KCNIP4: variants seen among roughly 807,000 people sequenced by gnomAD.
KCNIP4 encodes the protein potassium voltage-gated channel interacting protein 4.
A neutral mutation model predicts 34.0 loss-of-function variants in KCNIP4; 12 were observed. That is an observed-to-expected ratio of 0.35 (90% CI 0.23 to 0.57). The LOEUF (loss-of-function observed/expected upper bound fraction) is 0.57. KCNIP4 is among the 20% of genes least tolerant of loss of function. The pLI, the probability that KCNIP4 is intolerant of heterozygous loss-of-function variation, is 0.83. For missense variants in KCNIP4, 238 were observed against 311.7 expected, an observed-to-expected ratio of 0.76 and a Z score of 1.78; for synonymous variants, 124 against 102.2, an observed-to-expected ratio of 1.21 and a Z score of -1.29.
intron 3 of KCNIP4, among the ~76,000 whole-genome samples, chr4:20,840,670 A>T (rs1719613490): frequency 6.6e-6 from 1 of 152,178 alleles, no homozygotes; most frequent in Admixed American, 6.5e-5. Flanking sequence ...GTTGAACAGA[A>T]GTCCCATCCT....
At chr4:21,032,403 C>T (rs1741104019) in intron 1 of KCNIP4, among the ~76,000 whole-genome samples, 1 of 152,074 alleles carries the variant, frequency 6.6e-6, no homozygotes, top group African/African-American at 2.4e-5. Context: ...AGTTTGCTTG[C>T]TAAGGGTCTG....
At chr4:21,837,826 T>C (rs1723446434) in intron 1 of KCNIP4, among the ~76,000 whole-genome samples, 1 of 152,172 alleles carries the variant, frequency 6.6e-6, no homozygotes, top group South Asian at 2.1e-4. Flanking sequence ...GCTGATTATC[T>C]GCCATTGCTA....
intron 1 of KCNIP4, among the ~76,000 whole-genome samples, chr4:21,320,492 A>T (rs1714258387): frequency 6.6e-6 from 1 of 152,174 alleles, no homozygotes. Flanking sequence ...AAGAACAATG[A>T]TGGTGAGATC....
intron 1 of KCNIP4, among the ~76,000 whole-genome samples, chr4:21,205,650 T>A (rs1400072245): frequency 6.6e-6 from 1 of 152,230 alleles, no homozygotes; most frequent in Non-Finnish European, 1.5e-5. Flanking sequence ...CTTTGTTATA[T>A]CTCTCTAACT....
intron 1 of KCNIP4, among the ~76,000 whole-genome samples, chr4:21,747,067 C>T (rs183944567): frequency 1.3e-5 from 2 of 152,232 alleles, no homozygotes; most frequent in East Asian, 3.9e-4. Flanking sequence ...TTCTATTAAG[C>T]GTAGCTCAAC....
chr4:21,642,352 C>T (rs957013777), intron 1 of KCNIP4, among the ~76,000 whole-genome samples: 7 of 151,658 alleles, frequency 4.6e-5, no homozygotes, highest in Non-Finnish European at 1.0e-4. Flanking sequence ...ATATCCCCAA[C>T]CATCCTGTTG....
chr4:20,793,811 C>T (rs532519186), intron 3 of KCNIP4, among the ~76,000 whole-genome samples: 70 of 152,034 alleles, frequency 4.6e-4, no homozygotes, highest in African/African-American at 1.7e-3. Flanking sequence ...GACAGATCAT[C>T]AGGTACTAGA....
chr4:21,150,767 G>T (rs140338315), intron 1 of KCNIP4, among the ~76,000 whole-genome samples: 1 of 152,156 alleles, frequency 6.6e-6, no homozygotes, highest in Non-Finnish European at 1.5e-5. Flanking sequence ...GCAGAAAAAT[G>T]GACCTAAATT....
At chr4:20,794,817 A>G (rs1044499758) in intron 3 of KCNIP4, among the ~76,000 whole-genome samples, 5 of 152,238 alleles carry the variant, frequency 3.3e-5, no homozygotes, top group African/African-American at 4.8e-5. Flanking sequence ...TACATGATCT[A>G]ACAACACAAC....
At position 21,018,617 on chromosome 4, in the gene KCNIP4, G is replaced by A. The variant is rs368212883; in HGVS notation, c.62-135908C>T. Among the ~76,000 whole-genome samples the A allele has an allele frequency of 1.9e-3, 290 of 152,164 alleles. 6 individuals are homozygous for A. In the South Asian group the frequency reaches 0.053, roughly 28 times the overall value. On this transcript the variant is annotated intron_variant, in intron 1 of 8. Coordinates refer to ENST00000382152, the MANE Select transcript of KCNIP4 (RefSeq NM_025221.6). ...ATTGCTGAACCTATTGACACTGCAC[G>A]GTGGTCTAGATCACTTCCACCAACT...
chr4:21,443,289 A>C (rs759787581), intron 1 of KCNIP4, among the ~76,000 whole-genome samples: 1 of 152,122 alleles, frequency 6.6e-6, no homozygotes, highest in Non-Finnish European at 1.5e-5. Flanking sequence ...CATGGCCTGA[A>C]AGTCCTGACA....
chr4:20,749,875 C>G (rs1345984750), intron 4 of KCNIP4, 143 bp from the exon 5 acceptor site: 1 of 540,638 alleles, frequency 1.8e-6, no homozygotes, highest in African/African-American at 1.9e-5. Context: ...TGCTTACCCT[C>G]TTTCTGTAGA....
intron 1 of KCNIP4, among the ~76,000 whole-genome samples, chr4:21,723,176 C>T (rs973843096): frequency 4.0e-4 from 61 of 152,206 alleles, no homozygotes; most frequent in South Asian, 2.1e-4. Flanking sequence ...ATAAGTTCTT[C>T]GGGCATGTGG....
intron 1 of KCNIP4, among the ~76,000 whole-genome samples, chr4:21,233,868 T>C (rs751490516): frequency 3.1e-3 from 420 of 135,678 alleles, no homozygotes; most frequent in Non-Finnish European, 5.5e-3. Flanking sequence ...AATATGACTT[T>C]GAGATATCCA....
chr4:21,851,001 A>T (rs1040416587), intron 1 of KCNIP4: 1 of 152,236 alleles, frequency 6.6e-6, no homozygotes, highest in African/African-American at 2.4e-5. Flanking sequence ...GACATAGGAA[A>T]AAAAACACTA....
rs1733930057 is a variant in KCNIP4 at position 20,962,338 on chromosome 4, A to ATT, written c.62-79630_62-79629insAA. The stretch of plus-strand genomic sequence containing the variant: ...CCCGACTGGGAGGCTGAGTCTGCCT[A>ATT]ATTGTGGACCTAACCTGCAGGTTCT... On this transcript the variant is annotated intron_variant, in intron 1 of 8. Transcript: ENST00000382152. Among the ~76,000 whole-genome samples the ATT allele has an allele frequency of 3.3e-5, 5 of 152,308 alleles. No individual in the cohort carries two copies. The South Asian group carries it at 1.0e-3, about 32-fold the overall frequency.
intron 1 of KCNIP4, among the ~76,000 whole-genome samples, chr4:21,313,683 G>A (rs1713427489): frequency 6.6e-6 from 1 of 152,102 alleles, no homozygotes; most frequent in South Asian, 2.1e-4. Flanking sequence ...AATACAAAGT[G>A]GCCTCAAAGA....
At chr4:20,917,019 A>T (rs1283709411) in intron 1 of KCNIP4, among the ~76,000 whole-genome samples, 1 of 25,372 alleles carries the variant, frequency 3.9e-5, no homozygotes, top group Non-Finnish European at 8.6e-5. Flanking sequence ...ATATATATAT[A>T]TATATATATA....
chr4:21,886,214 T>C (rs1371023216), intron 1 of KCNIP4, among the ~76,000 whole-genome samples: 1 of 152,144 alleles, frequency 6.6e-6, no homozygotes, highest in Non-Finnish European at 1.5e-5. Flanking sequence ...TCATCATGAC[T>C]GAAAAGTTAT....
Sources: gnomAD v4.1 joint callset for allele counts (sites outside exome capture counted in the v4.1 genomes callset) on GRCh38, gnomAD v4.1.1 for gene constraint, MANE v1.5 for transcripts, NCBI Gene and HGNC (gene_info 2026-07-23, HGNC 2026-07-21) for gene names.